CERS6: variants seen among roughly 807,000 people sequenced by gnomAD.
CERS6 encodes the protein ceramide synthase 6.
In CERS6, 26 loss-of-function variants were observed where a neutral mutation model predicts 56.8. That is an observed-to-expected ratio of 0.46 (90% confidence interval 0.34 to 0.63). CERS6 has a LOEUF of 0.63. Ranked by LOEUF, CERS6 falls within the 30% of genes least tolerant of loss-of-function variation. CERS6 has a pLI of 0.01. For synonymous variants in CERS6, 164 were observed against 173.3 expected, an observed-to-expected ratio of 0.95 and a Z score of 0.42; for missense variants, 415 against 467.5, an observed-to-expected ratio of 0.89 and a Z score of 1.04.
intron 3 of CERS6, among the ~76,000 whole-genome samples, chr2:168,607,882 C>T (rs1684091083): frequency 6.6e-6 from 1 of 152,212 alleles, no homozygotes; most frequent in South Asian, 2.1e-4. Flanking sequence ...CGGAATGGAA[C>T]ATTACCTCAG....
chr2:168,617,124 T>A (rs1684336711), intron 3 of CERS6, among the ~76,000 whole-genome samples: 2 of 152,206 alleles, frequency 1.3e-5, no homozygotes, highest in African/African-American at 4.8e-5. Flanking sequence ...AACCTGCTCC[T>A]GAATGATCAT....
chr2:168,745,737 A>G (rs912490272), intron 8 of CERS6, among the ~76,000 whole-genome samples: 1 of 152,252 alleles, frequency 6.6e-6, no homozygotes, highest in African/African-American at 2.4e-5. Context: ...ATAATGATCC[A>G]GAAGTCTGGG....
chr2:168,762,369 T>G (rs1684608164), intron 8 of CERS6, among the ~76,000 whole-genome samples: 1 of 152,190 alleles, frequency 6.6e-6, no homozygotes, highest in African/African-American at 2.4e-5. Context: ...GCTTCCAGAA[T>G]AGTGTTAAAT....
chr2:168,501,946 T>C (rs1006990802), intron 1 of CERS6, among the ~76,000 whole-genome samples: 1 of 152,174 alleles, frequency 6.6e-6, no homozygotes, highest in Admixed American at 6.5e-5. Context: ...ATGTCAACCA[T>C]TGCAAGCACA....
intron 7 of CERS6, among the ~76,000 whole-genome samples, chr2:168,717,530 G>T (rs1489887034): frequency 3.9e-5 from 6 of 152,118 alleles, no homozygotes; most frequent in African/African-American, 1.4e-4. Flanking sequence ...GGTGTCTCTG[G>T]CTTGCTAGTA....
intron 4 of CERS6, among the ~76,000 whole-genome samples, chr2:168,667,050 G>T (rs989832452): frequency 2.6e-5 from 4 of 152,152 alleles, no homozygotes; most frequent in African/African-American, 9.7e-5. Flanking sequence ...GCTGGCAAAA[G>T]TTTTCACATA....
chr2:168,722,498 G>A (rs993803073), intron 8 of CERS6, among the ~76,000 whole-genome samples: 1 of 152,106 alleles, frequency 6.6e-6, no homozygotes, highest in African/African-American at 2.4e-5. Context: ...TCTTGTGTGT[G>A]TGGATATTCA....
At chr2:168,767,528 T>G (rs571479846) in intron 9 of CERS6, among the ~76,000 whole-genome samples, 1 of 152,354 alleles carries the variant, frequency 6.6e-6, no homozygotes, top group Admixed American at 6.5e-5. Context: ...GTCTTAGTAT[T>G]TAAATCTTTT....
intron 3 of CERS6, among the ~76,000 whole-genome samples, chr2:168,605,964 G>A (rs566526661): frequency 6.2e-4 from 95 of 152,340 alleles, no homozygotes; most frequent in Non-Finnish European, 1.3e-3. Flanking sequence ...CCCCCACACA[G>A]AGTCCCCACT....
In CERS6 at chr2:168,728,959, A is replaced by C. The variant is rs368009401; in HGVS notation, c.845+10981A>C. Among the ~76,000 whole-genome samples the C allele has an allele frequency of 9.9e-5, 15 of 150,800 alleles. No homozygotes were observed. In the East Asian group the frequency reaches 2.6e-3, roughly 26 times the overall value. ...CGGGATGCGGAGGTTGCAGTGAGCCAAGATTGTGCCACTGCACTCCAGCCT... is the reference window on the plus strand; with the variant it reads ...CGGGATGCGGAGGTTGCAGTGAGCCCAGATTGTGCCACTGCACTCCAGCCT... On this transcript the variant is annotated intron_variant, in intron 8 of 9. Coordinates refer to ENST00000305747, the MANE Select transcript of CERS6 (RefSeq NM_203463.3).
intron 1 of CERS6, among the ~76,000 whole-genome samples, chr2:168,467,342 A>G (rs1693899134): frequency 6.6e-6 from 1 of 152,236 alleles, no homozygotes; most frequent in Admixed American, 6.5e-5. Flanking sequence ...GCAGTTTTGC[A>G]CACAATAGCT....
chr2:168,594,942 A>G (rs951718586), intron 3 of CERS6, among the ~76,000 whole-genome samples: 1 of 152,134 alleles, frequency 6.6e-6, no homozygotes. Flanking sequence ...TTGCTGATTG[A>G]TTCAAAGTGA....
At chr2:168,500,801 A>G (rs182030783) in intron 1 of CERS6, among the ~76,000 whole-genome samples, 1 of 152,350 alleles carries the variant, frequency 6.6e-6, no homozygotes, top group Admixed American at 6.5e-5. Flanking sequence ...CCTCAGAGAA[A>G]AGGGTCATGA....
chr2:168,763,456 T>A (rs187987780), intron 8 of CERS6, among the ~76,000 whole-genome samples: 1 of 151,800 alleles, frequency 6.6e-6, no homozygotes, highest in Non-Finnish European at 1.5e-5. Flanking sequence ...GAGACAGGGT[T>A]TCAGCATCTT....
chr2:168,586,985 A>T (rs757497432), intron 3 of CERS6, among the ~76,000 whole-genome samples: 37 of 152,154 alleles, frequency 2.4e-4, no homozygotes, highest in Non-Finnish European at 4.9e-4. Flanking sequence ...AGCCTGGCCA[A>T]CATGGTGAAA....
chr2:168,694,952 C>T lies in CERS6; in HGVS notation c.517-7C>T, dbSNP rs761327594. 3.1e-6 allele frequency: 5 copies of T among 1,606,614 alleles called. No individual in the cohort carries two copies. The highest frequency in any genetic ancestry group is 3.4e-5 in the Admixed American group (2 of 58,588). ...CTAATCATTCCTTTTTTTTCTTTCA[C>T]CTTCAGCCACTCACAACTGACCTTC... On this transcript the variant is annotated splice_region_variant and splice_polypyrimidine_tract_variant and intron_variant, in intron 5 of 9. Coordinates refer to ENST00000305747, the MANE Select transcript of CERS6 (RefSeq NM_203463.3).
chr2:168,535,118 C>G (rs1415855543), intron 1 of CERS6, among the ~76,000 whole-genome samples: 1 of 152,236 alleles, frequency 6.6e-6, no homozygotes, highest in African/African-American at 2.4e-5. Context: ...TGCTGCCTTT[C>G]TCCTGCCCAG....
At chr2:168,757,998 C>T (rs1349958457) in intron 8 of CERS6, among the ~76,000 whole-genome samples, 2 of 152,164 alleles carry the variant, frequency 1.3e-5, no homozygotes, top group Non-Finnish European at 2.9e-5. Context: ...AAAACCAGCA[C>T]AACGAGGGTT....
intron 3 of CERS6, among the ~76,000 whole-genome samples, chr2:168,589,109 C>T (rs1683613768): frequency 6.6e-6 from 1 of 152,188 alleles, no homozygotes; most frequent in South Asian, 2.1e-4. Context: ...TTAACTTTTT[C>T]AAGAACCACC....
Sources: gnomAD v4.1 joint callset for allele counts (sites outside exome capture counted in the v4.1 genomes callset) on GRCh38, gnomAD v4.1.1 for gene constraint, MANE v1.5 for transcripts, NCBI Gene and HGNC (gene_info 2026-07-23, HGNC 2026-07-21) for gene names.